ZYG11A: variants seen among roughly 807,000 people sequenced by gnomAD.
ZYG11A encodes the protein zyg-11 family member A, cell cycle regulator.
Under a neutral mutation model 77.2 loss-of-function variants are expected in ZYG11A, and 62 were observed. The observed-to-expected ratio is 0.80, with a 90% CI of 0.65 to 0.99. ZYG11A has a LOEUF of 0.99. ZYG11A is among the 50% of genes least tolerant of loss of function. The pLI is 0.00. For missense variants in ZYG11A, 828 were observed against 896.8 expected, an observed-to-expected ratio of 0.92 and a Z score of 0.98; for synonymous variants, 315 against 324.6, an observed-to-expected ratio of 0.97 and a Z score of 0.32.
rs748821892 is a variant in ZYG11A at position 52,881,630 on chromosome 1, C to T, written c.1909C>T (p.Arg637Cys). 27 of 1,552,194 alleles carry T rather than the reference C, an allele frequency of 1.7e-5. No homozygotes were observed. Among genetic ancestry groups the T allele is most frequent in the Non-Finnish European group, 2.0e-5 (23 of 1,147,068 alleles). ...LTSDRQLWISRDFQRRTLLQD... is the reference protein window; with the variant it reads ...LTSDRQLWISCDFQRRTLLQD... ...ATCTGACAGACAGCTTTGGATATCCCGTGACTTCCAGAGGCGTACTCTTCT... is the reference window on the plus strand; with the variant it reads ...ATCTGACAGACAGCTTTGGATATCCTGTGACTTCCAGAGGCGTACTCTTCT... The change falls in exon 11 of 14, where the codon CGT becomes TGT. Residue 637 changes from arginine to cysteine, a missense_variant. Coordinates refer to ENST00000371528, the MANE Select transcript of ZYG11A (RefSeq NM_001004339.3).
chr1:52,869,834 C>A (rs1489140922), intron 8 of ZYG11A, among the ~76,000 whole-genome samples: 2 of 151,524 alleles, frequency 1.3e-5, no homozygotes, highest in East Asian at 2.0e-4. Flanking sequence ...GGCAGAGGCG[C>A]CCCTCACCTC....
In ZYG11A at chr1:52,854,476, T is replaced by G. The variant is rs1445550016; in HGVS notation, c.102T>G (p.Ser34=). ...GTTTTGTTTGCTAGGAAGAGGCATC[T>G]CCCTACACTTTGGTCAACATCTGCC... ...LGCCVVQEEA[S]PYTLVNICLN... The change falls in exon 2 of 14, where the codon TCT becomes TCG. Residue 34 remains serine, a synonymous_variant. Coordinates refer to ENST00000371528, the MANE Select transcript of ZYG11A (RefSeq NM_001004339.3). 6.5e-7 allele frequency: 1 copy of G among 1,540,596 alleles called. No individual in the cohort carries two copies. The highest frequency in any genetic ancestry group is 2.0e-5 in the Admixed American group (1 of 49,788).
intron 1 of ZYG11A, 78 bp downstream of exon 1, chr1:52,843,051 A>T (rs1457779154): frequency 7.7e-7 from 1 of 1,305,334 alleles, no homozygotes; most frequent in Non-Finnish European, 1.0e-6. Context: ...GTCTCCTGGG[A>T]CGCTGCCGAG....
chr1:52,848,385 T>G (rs1331810736), intron 1 of ZYG11A, among the ~76,000 whole-genome samples: 1 of 152,218 alleles, frequency 6.6e-6, no homozygotes, highest in African/African-American at 2.4e-5. Context: ...CTTTTTCTCA[T>G]TGTTGGTTTT....
chr1:52,883,849 T>G (rs1185167025), intron 11 of ZYG11A, among the ~76,000 whole-genome samples: 2 of 151,988 alleles, frequency 1.3e-5, no homozygotes, highest in African/African-American at 2.4e-5. Context: ...GAGCTGTCCA[T>G]GGGGACAGCT....
chr1:52,855,263 C>T (rs1258054967), intron 2 of ZYG11A, among the ~76,000 whole-genome samples: 1 of 151,852 alleles, frequency 6.6e-6, no homozygotes, highest in East Asian at 1.9e-4. Flanking sequence ...GCTTAAAGAA[C>T]TCCACTAAAA....
chr1:52,870,064 A>G (rs1646123944), intron 8 of ZYG11A, among the ~76,000 whole-genome samples: 1 of 148,960 alleles, frequency 6.7e-6, no homozygotes, highest in South Asian at 2.1e-4. Flanking sequence ...CACCTCCCAG[A>G]CGGGGTCGCG....
rs1645825936 is a variant in ZYG11A at position 52,857,064 on chromosome 1, T to C, written c.323T>C (p.Ile108Thr). ...GNQMKLKLVN[I>T]QKAKISTAAF... ...CAAATGAAACTGAAGCTGGTCAATA[T>C]CCAAAAAGCTAAAATCTCTACAGCT... Residue 108 changes from isoleucine to threonine, a missense_variant, in exon 3 of 14, where the codon ATC becomes ACC. Transcript: ENST00000371528. 1 of 1,550,910 alleles carries C rather than the reference T, an allele frequency of 6.4e-7. No individual in the cohort carries two copies. The highest frequency in any genetic ancestry group is 8.7e-7 in the Non-Finnish European group (1 of 1,146,518).
At chr1:52,882,926 C>A (rs1646384890) in intron 11 of ZYG11A, among the ~76,000 whole-genome samples, 1 of 149,688 alleles carries the variant, frequency 6.7e-6, no homozygotes, top group Non-Finnish European at 1.5e-5. Flanking sequence ...AGCTCATTTC[C>A]TCCCTGGGAC....
chr1:52,847,784 C>T (rs1354792283), intron 1 of ZYG11A, among the ~76,000 whole-genome samples: 1 of 150,946 alleles, frequency 6.6e-6, no homozygotes, highest in Admixed American at 6.6e-5. Context: ...ATTCTCCTGC[C>T]TCAGCCTTCC....
intron 12 of ZYG11A, 38 bp from the exon 13 acceptor site, chr1:52,886,916 CTG>C: frequency 9.6e-7 from 1 of 1,037,954 alleles, no homozygotes; most frequent in South Asian, 1.4e-5. Context: ...ACTGGCCTAA[CTG>C]TTCTGGATTA....
intron 8 of ZYG11A, among the ~76,000 whole-genome samples, chr1:52,875,716 CTGTA>C (rs1198990743): frequency 6.7e-6 from 1 of 149,646 alleles, no homozygotes; most frequent in Non-Finnish European, 1.5e-5. Context: ...TGCTGAATCT[CTGTA>C]TGTGCAGAAA....
chr1:52,881,786 C>T (rs377276429), intron 11 of ZYG11A, 121 bp downstream of exon 11: 8 of 748,360 alleles, frequency 1.1e-5, no homozygotes, highest in East Asian at 5.6e-5. Context: ...AAACTTATTA[C>T]TAACCCATAT....
intron 8 of ZYG11A, among the ~76,000 whole-genome samples, chr1:52,869,153 T>C (rs1383873225): frequency 2.0e-5 from 3 of 151,612 alleles, no homozygotes; most frequent in African/African-American, 7.3e-5. Flanking sequence ...TTGTAAACTG[T>C]CTATTCATAG....
chr1:52,868,563 C>T (rs570578409), intron 8 of ZYG11A, among the ~76,000 whole-genome samples: 33 of 152,090 alleles, frequency 2.2e-4, no homozygotes, highest in African/African-American at 7.2e-4. Flanking sequence ...GGGTGGATCA[C>T]GAGGTCAGGA....
intron 4 of ZYG11A, 48 bp from the exon 5 acceptor site, chr1:52,863,933 A>C: frequency 5.6e-5 from 83 of 1,490,740 alleles, no homozygotes; most frequent in Middle Eastern, 1.7e-4. Context: ...AAGACAGCAT[A>C]GAGAATGTTA....
At chr1:52,844,751 G>A (rs1645530508) in intron 1 of ZYG11A, among the ~76,000 whole-genome samples, 1 of 151,530 alleles carries the variant, frequency 6.6e-6, no homozygotes, top group Non-Finnish European at 1.5e-5. Context: ...ACAGGCATGA[G>A]CCACCGTGCC....
At chr1:52,878,221 C>A (rs1646297218) in intron 10 of ZYG11A, among the ~76,000 whole-genome samples, 1 of 152,184 alleles carries the variant, frequency 6.6e-6, no homozygotes, top group Non-Finnish European at 1.5e-5. Context: ...AGTTTGAGCT[C>A]AGCTCAGCTG....
chr1:52,869,432 G>A (rs1571861632), intron 8 of ZYG11A, among the ~76,000 whole-genome samples: 1 of 151,322 alleles, frequency 6.6e-6, no homozygotes, highest in Middle Eastern at 3.2e-3. Flanking sequence ...TGAGATTAGG[G>A]AGTGGTGATG....
Sources: allele counts gnomAD v4.1 joint callset (sites outside exome capture counted in the v4.1 genomes callset), GRCh38; gene constraint gnomAD v4.1.1; transcripts MANE v1.5; gene names NCBI Gene and HGNC (gene_info 2026-07-23, HGNC 2026-07-21).